The following CELF2 variants were observed in gnomAD, a reference collection of about 807,000 sequenced individuals.
CELF2 encodes the protein CUG triplet repeat RNA-binding protein 2.
Under a neutral mutation model 62.6 loss-of-function variants are expected in CELF2, and 8 were observed. The ratio of observed to expected loss-of-function variants is 0.13; its 90% confidence interval spans 0.07 to 0.23. The LOEUF is 0.23. CELF2 is among the 10% of genes least tolerant of loss of function. The pLI, the probability that CELF2 is intolerant of heterozygous loss-of-function variation, is 1.00. For synonymous variants in CELF2, 258 were observed against 250.0 expected (o/e 1.03, Z -0.30); for missense variants, 333 against 671.0 (o/e 0.50, Z 5.56).
intron 1 of CELF2, among the ~76,000 whole-genome samples, chr10:11,037,223 A>T (rs2061101930): frequency 6.6e-6 from 1 of 152,224 alleles, no homozygotes; most frequent in Non-Finnish European, 1.5e-5. Flanking sequence ...GCAAGAGCAC[A>T]TGTGCAGGGG....
chr10:11,256,497 G>T (rs1239745110), intron 4 of CELF2, among the ~76,000 whole-genome samples: 1 of 151,074 alleles, frequency 6.6e-6, no homozygotes, highest in Admixed American at 6.6e-5. Context: ...AAAGAAATAG[G>T]TATGCACAAG....
chr10:11,217,371 A>G lies in CELF2; in HGVS notation c.272-54A>G. On this transcript the variant is annotated intron_variant, in intron 2 of 12. Coordinates refer to ENST00000633077, the MANE Select transcript of CELF2 (RefSeq NM_001326342.2). The surrounding 1 kb of genome is among the most constrained non-coding windows in gnomAD (Gnocchi z 5.6). Reference sequence around the variant, plus strand: ...GTTTGTTCGCCACAGTCTCCATTATATCTAAGCAAAGCATTCACAGAAATT... The same window carrying G: ...GTTTGTTCGCCACAGTCTCCATTATGTCTAAGCAAAGCATTCACAGAAATT... The G allele has an allele frequency of 7.8e-7, 1 of 1,277,194 alleles. No homozygotes were observed. Among genetic ancestry groups the G allele is most frequent in the Non-Finnish European group, 1.1e-6 (1 of 882,474 alleles). 79.1% of individuals were successfully genotyped at this position (1,277,194 alleles called of 1,614,324 possible).
At chr10:11,234,124 T>C (rs781533748) in intron 3 of CELF2, among the ~76,000 whole-genome samples, 6 of 152,232 alleles carry the variant, frequency 3.9e-5, no homozygotes, top group Non-Finnish European at 8.8e-5. Flanking sequence ...TGGTGTCTTA[T>C]CCTGGGAAGG....
rs1013873818 is a variant in CELF2, at chr10:11,145,886, G to A, written c.75-19600G>A. ...TATACGTTGTTTACATTTTATGAGA[G>A]AATTATTCCTTATGTATACTTTTTT... On this transcript the variant is annotated intron_variant, in intron 1 of 12. Transcript: ENST00000633077. This position sits in a 1 kb window ranked among gnomAD's most constrained non-coding sequence, Gnocchi z 4.3. Among the ~76,000 whole-genome samples the A allele has an allele frequency of 6.6e-6, 1 of 152,198 alleles. No individual in the cohort carries two copies. The highest frequency in any genetic ancestry group is 1.9e-4 in the East Asian group (1 of 5,200).
the CELF2 span, among the ~76,000 whole-genome samples, chr10:10,574,885 T>C: frequency 1.5e-4 from 14 of 91,988 alleles, no homozygotes; most frequent in South Asian, 4.0e-4. Flanking sequence ...TTTTTTTTTT[T>C]TTTTTTTTTT....
At chr10:10,944,316 C>T (rs1184245879) in intron 2 of CELF2, 2 of 152,630 alleles carry the variant, frequency 1.3e-5, no homozygotes, top group African/African-American at 4.8e-5. Flanking sequence ...ACTGGCAAAA[C>T]ATTTTGACCT....
intron 1 of CELF2, among the ~76,000 whole-genome samples, chr10:10,831,177 G>T (rs976578443): frequency 6.6e-6 from 1 of 152,160 alleles, no homozygotes; most frequent in Non-Finnish European, 1.5e-5. Context: ...TTCCAATTGC[G>T]CACTTCAAGT....
At chr10:10,954,693 A>G (rs1400676027) in intron 2 of CELF2, among the ~76,000 whole-genome samples, 1 of 152,230 alleles carries the variant, frequency 6.6e-6, no homozygotes, top group Non-Finnish European at 1.5e-5. Context: ...AGCAAATGGT[A>G]GAAAACATCC....
chr10:10,593,528 C>T, the CELF2 span, among the ~76,000 whole-genome samples: 4,306 of 152,238 alleles, frequency 0.028, 210 homozygotes, highest in African/African-American at 0.099. Context: ...AGCAAGTCAC[C>T]GGCCAAGTCC....
rs540732657 is a variant in CELF2 at position 11,161,587 on chromosome 10, G to T, written c.75-3899G>T. 2.6e-5 allele frequency among the ~76,000 whole-genome samples: 4 copies of T among 152,364 alleles called. No homozygotes were observed. In the East Asian group the frequency reaches 7.7e-4, roughly 29 times the overall value. The stretch of plus-strand genomic sequence containing the variant: ...AAAACAGATAATGATTCCAGCGGGA[G>T]CTGTTGAAGAGTATTGTATATCAAG... On this transcript the variant is annotated intron_variant, in intron 1 of 12. Transcript: ENST00000633077.
At position 11,237,620 on chromosome 10, in the gene CELF2, G is replaced by T. The variant is rs1269094210; in HGVS notation, c.355-11533G>T. Among the ~76,000 whole-genome samples, 1 of 152,222 alleles carries T rather than the reference G, an allele frequency of 6.6e-6. No homozygotes were observed. Among genetic ancestry groups the T allele is most frequent in the Admixed American group, 6.5e-5 (1 of 15,280 alleles). The stretch of plus-strand genomic sequence containing the variant: ...AGCCCCACTAGCATCTCCACACTGG[G>T]TGAGGGTTACAAGGGAGGCTGGGGG... On this transcript the variant is annotated intron_variant, in intron 3 of 12. Transcript: ENST00000633077. The surrounding 1 kb of genome is among the most constrained non-coding windows in gnomAD (Gnocchi z 4.0).
In CELF2 at chr10:10,856,423, C is replaced by A. The variant is rs190139288; in HGVS notation, c.53+57606C>A. On this transcript the variant is annotated intron_variant, in intron 1 of 13. Coordinates refer to the CELF2 transcript ENST00000636488. The stretch of plus-strand genomic sequence containing the variant: ...CAAATAAAACATCTGCAAAGTAGAA[C>A]AGAGAGATCAAATATTTAAAGACTT... 8.6e-3 allele frequency among the ~76,000 whole-genome samples: 1,309 copies of A among 152,140 alleles called. 4 individuals are homozygous for A. Among genetic ancestry groups the A allele is most frequent in the Non-Finnish European group, 0.013 (888 of 67,998 alleles).
In CELF2 at chr10:11,017,935, T is replaced by C. The variant is rs1019552158; in HGVS notation, c.-155T>C. ...CCCCGGCGCTGGATTTCGGAGGGGA[T>C]TGGCGGAGCGCGAGGAGAGAATGTG... On this transcript the variant is annotated 5_prime_UTR_variant, in exon 1 of 13. Coordinates refer to ENST00000633077, the MANE Select transcript of CELF2 (RefSeq NM_001326342.2). The surrounding 1 kb of genome is among the most constrained non-coding windows in gnomAD (Gnocchi z 5.5). 9 of 984,000 alleles carry C rather than the reference T, an allele frequency of 9.1e-6. No homozygotes were observed. The African/African-American group carries it at 1.2e-4, about 13-fold the overall frequency. The allele number at this position is 984,000 out of a possible 1,614,324, so 61.0% of individuals were successfully genotyped here.
At chr10:10,923,245 A>C (rs61830366) in intron 2 of CELF2, among the ~76,000 whole-genome samples, 3 of 152,208 alleles carry the variant, frequency 2.0e-5, no homozygotes, top group Non-Finnish European at 1.5e-5. Flanking sequence ...AAATGGAAAA[A>C]TGCAACTCAG....
At chr10:11,263,103 G>A (rs535630236) in intron 5 of CELF2, among the ~76,000 whole-genome samples, 59 of 151,974 alleles carry the variant, frequency 3.9e-4, no homozygotes, top group Admixed American at 1.0e-3. Context: ...CTGTGACAGG[G>A]CTACGTGCTT....
the CELF2 span, among the ~76,000 whole-genome samples, chr10:10,640,333 T>C: frequency 1.3e-5 from 2 of 152,214 alleles, no homozygotes; most frequent in Admixed American, 6.5e-5. Flanking sequence ...GCCTTTTTCA[T>C]GCTGTTGTTC....
the CELF2 span, among the ~76,000 whole-genome samples, chr10:10,515,099 C>T: frequency 1.3e-5 from 2 of 152,178 alleles, no homozygotes; most frequent in Non-Finnish European, 2.9e-5. Context: ...AAGAACAAAG[C>T]TCCACCAAGT....
intron 1 of CELF2, among the ~76,000 whole-genome samples, chr10:11,085,936 C>A (rs900744682): frequency 6.6e-6 from 1 of 152,020 alleles, no homozygotes; most frequent in Admixed American, 6.5e-5. Context: ...CTCAACGGCC[C>A]ATCTGTAAAC....
chr10:11,038,175 C>T (rs1052848481), intron 1 of CELF2, among the ~76,000 whole-genome samples: 3 of 152,168 alleles, frequency 2.0e-5, no homozygotes, highest in Non-Finnish European at 4.4e-5. Context: ...CGGAGAGGAC[C>T]CAGCCACACC....
Sources: gnomAD v4.1 joint callset for allele counts (sites outside exome capture counted in the v4.1 genomes callset) on GRCh38, gnomAD v4.1.1 for gene constraint, Gnocchi (gnomAD v3.1) non-coding constraint, MANE v1.5 for transcripts, NCBI Gene and HGNC (gene_info 2026-07-23, HGNC 2026-07-21) for gene names.